Variants in SMIM13 observed in about 807,000 individuals in gnomAD.
The protein encoded by SMIM13 is UPF0766 protein C6orf228.
In SMIM13, 3 loss-of-function variants were observed where a neutral mutation model predicts 5.9. That is an observed-to-expected ratio of 0.51 (90% CI 0.23 to 1.31). SMIM13 has a LOEUF of 1.31. Among genes scored for constraint, SMIM13 ranks in the 40% most tolerant of loss-of-function variants. The pLI, the probability that SMIM13 is intolerant of heterozygous loss-of-function variation, is 0.18. For missense variants in SMIM13, 85 were observed against 109.9 expected (o/e 0.77, Z 1.01); for synonymous variants, 55 against 46.0 (o/e 1.19, Z -0.79).
At chr6:11,109,771 C>CA (rs1758141294) in intron 1 of SMIM13, among the ~76,000 whole-genome samples, 1 of 152,122 alleles carries the variant, frequency 6.6e-6, no homozygotes, top group Non-Finnish European at 1.5e-5. Flanking sequence ...GTTTGGGAGT[C>CA]AAACTTTTCC....
rs149478902 is a variant in SMIM13 at position 11,109,900 on chromosome 6, G to A, written c.76+15511G>A. Among the ~76,000 whole-genome samples, 892 of 152,144 alleles carry A rather than the reference G, an allele frequency of 5.9e-3. 3 individuals are homozygous for A. The highest frequency in any genetic ancestry group is 0.024 in the South Asian group (113 of 4,806). ...AGGCAACCCCTCCAATTTCCCTACT[G>A]TCTTTTTCCTGAACTTACAGCAGAC... On this transcript the variant is annotated intron_variant, in intron 1 of 1. Transcript: ENST00000416247.
At chr6:11,123,811 T>G (rs922301806) in intron 1 of SMIM13, among the ~76,000 whole-genome samples, 5 of 152,342 alleles carry the variant, frequency 3.3e-5, no homozygotes, top group Admixed American at 3.3e-4. Flanking sequence ...TTCTTTGTGT[T>G]GGAAACATTT....
Position 11,137,868 on chromosome 6 carries a change from C to T in SMIM13, c.*3266C>T, listed in dbSNP as rs966156868. 2.6e-5 allele frequency: 4 copies of T among 152,020 alleles called. No homozygotes were observed. Among genetic ancestry groups the T allele is most frequent in the Admixed American group, 6.6e-5 (1 of 15,262 alleles). The allele number at this position is 152,020 out of a possible 1,614,324, so 9.4% of individuals were successfully genotyped here. A position where few individuals can be genotyped will look rare whatever the true frequency, so the allele number is the denominator to read the frequency against. On this transcript the variant is annotated 3_prime_UTR_variant, in exon 2 of 2. Transcript: ENST00000416247. Reference sequence around the variant, plus strand: ...CAGTTGAAACAAACATATTGCTGTGCGGTGGACAGCCACTTCACAGACATG... The same window carrying T: ...CAGTTGAAACAAACATATTGCTGTGTGGTGGACAGCCACTTCACAGACATG...
At chr6:11,129,889 T>G (rs778945947) in intron 1 of SMIM13, among the ~76,000 whole-genome samples, 24 of 152,336 alleles carry the variant, frequency 1.6e-4, no homozygotes, top group Admixed American at 1.5e-3. Context: ...TGGTATGTAT[T>G]CCTTGGGGCT....
intron 1 of SMIM13, among the ~76,000 whole-genome samples, chr6:11,109,457 G>T (rs1164901478): frequency 6.6e-6 from 1 of 152,096 alleles, no homozygotes; most frequent in Admixed American, 6.6e-5. Context: ...GGTAGAAGGG[G>T]CAATGGGGCT....
chr6:11,114,311 C>G (rs1758208379), intron 1 of SMIM13, among the ~76,000 whole-genome samples: 1 of 152,092 alleles, frequency 6.6e-6, no homozygotes, highest in Admixed American at 6.6e-5. Context: ...TGTCTTTTAG[C>G]TTTTGCCTCA....
chr6:11,115,088 T>TA, intron 1 of SMIM13, among the ~76,000 whole-genome samples: 1 of 152,246 alleles, frequency 6.6e-6, no homozygotes, highest in Non-Finnish European at 1.5e-5. Flanking sequence ...GTGGTTTTCT[T>TA]AAACACCCTT....
chr6:11,101,437 C>T (rs1266438919), intron 1 of SMIM13, among the ~76,000 whole-genome samples: 1 of 152,218 alleles, frequency 6.6e-6, no homozygotes, highest in Non-Finnish European at 1.5e-5. Flanking sequence ...GGTACTATAA[C>T]TGTAATAGAG....
At chr6:11,104,078 G>A (rs1561752399) in intron 1 of SMIM13, 15 of 1,551,668 alleles carry the variant, frequency 9.7e-6, no homozygotes, top group Non-Finnish European at 1.2e-5. Context: ...GAAGGACTAC[G>A]GCTGCTAAAG....
In SMIM13 at chr6:11,108,917, A is replaced by G. The variant is rs116103904; in HGVS notation, c.76+14528A>G. On this transcript the variant is annotated intron_variant, in intron 1 of 1. Transcript: ENST00000416247. ...TGTCTAAGAAAATGGTGAGGTTTTC[A>G]TAAGGCCCTTGATCTGTCAAGCCCA... Among the ~76,000 whole-genome samples, 181 of 152,340 alleles carry G rather than the reference A, an allele frequency of 1.2e-3. 1 individual carries two copies. Among genetic ancestry groups the G allele is most frequent in the African/African-American group, 4.1e-3 (171 of 41,582 alleles).
At chr6:11,105,354 ACTC>A in intron 1 of SMIM13, 1 of 1,459,004 alleles carries the variant, frequency 6.9e-7, no homozygotes. Context: ...TGCCAATGGA[ACTC>A]CTGGTGGTGT....
At chr6:11,122,831 A>AT (rs1758328204) in intron 1 of SMIM13, among the ~76,000 whole-genome samples, 1 of 151,954 alleles carries the variant, frequency 6.6e-6, no homozygotes, top group Non-Finnish European at 1.5e-5. Flanking sequence ...CCAAGAGCCT[A>AT]TTGTCTAATA....
At chr6:11,109,528 A>G (rs141581791) in intron 1 of SMIM13, among the ~76,000 whole-genome samples, 2 of 152,108 alleles carry the variant, frequency 1.3e-5, no homozygotes, top group South Asian at 2.1e-4. Flanking sequence ...CTGCATGACT[A>G]TGGCCATGGA....
intron 1 of SMIM13, among the ~76,000 whole-genome samples, chr6:11,114,036 A>G (rs1377889496): frequency 3.3e-5 from 5 of 149,466 alleles, no homozygotes; most frequent in African/African-American, 9.9e-5. Flanking sequence ...CTGGAGTGCA[A>G]TGGCGCGGTC....
At chr6:11,113,657 C>T (rs2113653433) in intron 1 of SMIM13, among the ~76,000 whole-genome samples, 1 of 152,230 alleles carries the variant, frequency 6.6e-6, no homozygotes, top group Non-Finnish European at 1.5e-5. Context: ...CTCACTGCAG[C>T]CCCCGCCTCC....
chr6:11,096,985 C>G (rs1245949482), intron 1 of SMIM13, among the ~76,000 whole-genome samples: 1 of 152,196 alleles, frequency 6.6e-6, no homozygotes, highest in Non-Finnish European at 1.5e-5. Context: ...GCCACAGTGC[C>G]CGTCCCCAGT....
At chr6:11,097,923 A>G (rs1024066322) in intron 1 of SMIM13, among the ~76,000 whole-genome samples, 6 of 152,022 alleles carry the variant, frequency 3.9e-5, no homozygotes, top group Non-Finnish European at 5.9e-5. Context: ...ATTCACCCAC[A>G]TAACTTATCT....
chr6:11,100,919 G>A (rs1357715796), intron 1 of SMIM13, among the ~76,000 whole-genome samples: 1 of 151,442 alleles, frequency 6.6e-6, no homozygotes, highest in Non-Finnish European at 1.5e-5. Flanking sequence ...TCATAATGAT[G>A]TACCTTTGTG....
Position 11,134,531 on chromosome 6 carries a change from T to G in SMIM13, c.205T>G (p.Ser69Ala), listed in dbSNP as rs1466911344. The G allele has an allele frequency of 1.3e-6, 2 of 1,550,940 alleles. No homozygotes were observed. The highest frequency in any genetic ancestry group is 1.7e-6 in the Non-Finnish European group (2 of 1,146,534). ...TGAAACTGAAGAAGACACTTCCTCC[T>G]CTCCACACAGAATCAGATCCGCTCG... Reference protein sequence around the residue: ...GSETEEDTSSSPHRIRSARQR... With the variant: ...GSETEEDTSSAPHRIRSARQR... The change falls in exon 2 of 2, where the codon TCT becomes GCT. Residue 69 changes from serine to alanine, a missense_variant. Transcript: ENST00000416247.
Sources: gnomAD v4.1 joint callset for allele counts (sites outside exome capture counted in the v4.1 genomes callset) on GRCh38, gnomAD v4.1.1 for gene constraint, MANE v1.5 for transcripts, NCBI Gene and HGNC (gene_info 2026-07-23, HGNC 2026-07-21) for gene names.